The following NRTN variants were observed in gnomAD, a reference collection of about 807,000 sequenced individuals.
The protein encoded by NRTN is prepro-neurturin.
A neutral mutation model predicts 7.5 loss-of-function variants in NRTN; 3 were observed. The ratio of observed to expected loss-of-function variants is 0.40; its 90% CI spans 0.18 to 1.03. The LOEUF (loss-of-function observed/expected upper bound fraction) is 1.03. Among genes scored for constraint, NRTN ranks in the 50% least tolerant of loss-of-function variants. The pLI is 0.34. For synonymous variants in NRTN, 157 were observed against 146.6 expected (o/e 1.07, Z -0.51); for missense variants, 310 against 307.0 (o/e 1.01, Z -0.07).
chr19:5,828,260 G>C lies in NRTN; in HGVS notation c.*87G>C. ...CCCCGCGAAAGACTGCGCGTGCGTA[G>C]AGCACGCCGGCGCGGCCCCGGGACT... On this transcript the variant is annotated 3_prime_UTR_variant, in exon 3 of 3. Coordinates refer to ENST00000303212, the MANE Select transcript of NRTN (RefSeq NM_004558.5). 1 of 1,398,632 alleles carries C rather than the reference G, an allele frequency of 7.1e-7. No individual in the cohort carries two copies. 86.6% of individuals were successfully genotyped at this position (1,398,632 alleles called of 1,614,324 possible).
At chr19:5,812,272 C>G (rs1413912481) in intron 1 of NRTN, among the ~76,000 whole-genome samples, 1 of 152,142 alleles carries the variant, frequency 6.6e-6, no homozygotes, top group East Asian at 1.9e-4. Context: ...CATCCCTCAG[C>G]TTCACTTTGG....
chr19:5,808,371 C>T (rs949923909), intron 1 of NRTN, among the ~76,000 whole-genome samples: 30 of 152,188 alleles, frequency 2.0e-4, no homozygotes, highest in African/African-American at 6.8e-4. Flanking sequence ...CAGATGCCTC[C>T]GAGGCCAGCC....
At chr19:5,809,417 C>T (rs1396514898) in intron 1 of NRTN, among the ~76,000 whole-genome samples, 1 of 152,088 alleles carries the variant, frequency 6.6e-6, no homozygotes, top group Non-Finnish European at 1.5e-5. Flanking sequence ...ACTGATCCTC[C>T]CGCCTCAGCC....
In NRTN at chr19:5,827,948, G is replaced by T; in HGVS notation, c.369G>T (p.Glu123Asp). 1 of 1,488,412 alleles carries T rather than the reference G, an allele frequency of 6.7e-7. No homozygotes were observed. Among genetic ancestry groups the T allele is most frequent in the Non-Finnish European group, 8.9e-7 (1 of 1,125,100 alleles). 92.2% of individuals were successfully genotyped at this position (1,488,412 alleles called of 1,614,324 possible). A position where few individuals can be genotyped will look rare whatever the true frequency, so the allele number is the denominator to read the frequency against. The change falls in exon 3 of 3, where the codon GAG (glutamate) becomes GAT (aspartate). Residue 123 changes from glutamate (E) to aspartate (D), a missense_variant. Coordinates refer to ENST00000303212, the MANE Select transcript of NRTN (RefSeq NM_004558.5). ...TGGGCCTGGGCTACGCGTCCGACGA[G>T]ACGGTGCTGTTCCGCTACTGCGCAG... ...SELGLGYASD[E>D]TVLFRYCAGA...
chr19:5,814,012 AAT>A (rs142894530), intron 1 of NRTN, among the ~76,000 whole-genome samples: 5 of 151,408 alleles, frequency 3.3e-5, no homozygotes, highest in Admixed American at 1.3e-4. Context: ...CGTCTCAAAA[AAT>A]ATATATATAT....
chr19:5,808,021 C>T (rs1046815622), intron 1 of NRTN, among the ~76,000 whole-genome samples: 3 of 152,106 alleles, frequency 2.0e-5, no homozygotes, highest in East Asian at 1.9e-4. Flanking sequence ...AGGTCGAGGC[C>T]GCTGTGAGCT....
At chr19:5,809,016 A>G (rs571060330) in intron 1 of NRTN, among the ~76,000 whole-genome samples, 1 of 151,692 alleles carries the variant, frequency 6.6e-6, no homozygotes, top group East Asian at 1.9e-4. Flanking sequence ...CGGCCTCCCA[A>G]AGTGCTGGGA....
At chr19:5,823,078 AAGAAAGAG>A (rs1318131926) in intron 1 of NRTN, among the ~76,000 whole-genome samples, 3 of 119,314 alleles carry the variant, frequency 2.5e-5, no homozygotes, top group Non-Finnish European at 6.3e-5. Flanking sequence ...GGAAGAGAAA[AAGAAAGAG>A]AGAAGAAAGA....
At chr19:5,826,187 G>C (rs2057045683) in intron 2 of NRTN, among the ~76,000 whole-genome samples, 1 of 152,108 alleles carries the variant, frequency 6.6e-6, no homozygotes, top group Non-Finnish European at 1.5e-5. Flanking sequence ...ATTTAGCCGG[G>C]CACCTGTATT....
chr19:5,805,981 G>A (rs4265937), intron 1 of NRTN, among the ~76,000 whole-genome samples: 6 of 152,164 alleles, frequency 3.9e-5, no homozygotes, highest in African/African-American at 1.4e-4. Flanking sequence ...CTCCGGTGAG[G>A]GCCGGGCCCT....
At chr19:5,809,482 G>T (rs2056983597) in intron 1 of NRTN, among the ~76,000 whole-genome samples, 1 of 149,014 alleles carries the variant, frequency 6.7e-6, no homozygotes, top group Non-Finnish European at 1.5e-5. Flanking sequence ...CCCCATCCTG[G>T]TTTTTTTTTT....
intron 1 of NRTN, among the ~76,000 whole-genome samples, chr19:5,812,932 A>G (rs1243979105): frequency 1.3e-5 from 2 of 152,148 alleles, no homozygotes; most frequent in African/African-American, 4.8e-5. Flanking sequence ...GTTCACACAC[A>G]CAGGCACTTC....
In NRTN at chr19:5,828,293, T is replaced by G; in HGVS notation, c.*120T>G. ...CGGCGCGGCCCCGGGACTCTCGCGA[T>G]AACTGTACTGAGATAAAGTGTGGCA... is the stretch of plus-strand genomic sequence containing the variant. On this transcript the variant is annotated 3_prime_UTR_variant, in exon 3 of 3. Coordinates refer to ENST00000303212, the MANE Select transcript of NRTN (RefSeq NM_004558.5). 17 of 1,123,176 alleles carry G rather than the reference T, an allele frequency of 1.5e-5. No homozygotes were observed. Among genetic ancestry groups the G allele is most frequent in the Non-Finnish European group, 2.0e-5 (16 of 817,176 alleles). 69.6% of individuals were successfully genotyped at this position (1,123,176 alleles called of 1,614,324 possible). A position where few individuals can be genotyped will look rare whatever the true frequency, so the allele number is the denominator to read the frequency against.
intron 1 of NRTN, among the ~76,000 whole-genome samples, chr19:5,818,936 G>A (rs1038127223): frequency 6.6e-6 from 1 of 152,150 alleles, no homozygotes; most frequent in Non-Finnish European, 1.5e-5. Flanking sequence ...AGAGTCTGAA[G>A]CTCCAAGGCC....
chr19:5,824,444 C>A lies in NRTN; in HGVS notation c.169+110C>A. 2.2e-6 allele frequency: 3 copies of A among 1,346,446 alleles called. No individual in the cohort carries two copies. In the South Asian group the frequency reaches 3.7e-5, roughly 17 times the overall value. 83.4% of individuals were successfully genotyped at this position (1,346,446 alleles called of 1,614,324 possible). A position where few individuals can be genotyped will look rare whatever the true frequency, so the allele number is the denominator to read the frequency against. On this transcript the variant is annotated intron_variant, in intron 2 of 2. Transcript: ENST00000303212. ...TGTCATAGGTTTTTTAAAGATAGGGCCAGCCAGCCCCCTTGCAGGGAGGCA... is the reference window on the plus strand; with the variant it reads ...TGTCATAGGTTTTTTAAAGATAGGGACAGCCAGCCCCCTTGCAGGGAGGCA...
At chr19:5,827,122 C>G (rs1182894612) in intron 2 of NRTN, among the ~76,000 whole-genome samples, 3 of 152,132 alleles carry the variant, frequency 2.0e-5, no homozygotes, top group African/African-American at 7.2e-5. Flanking sequence ...GATAGGGAAA[C>G]TGAGGCTCCA....
intron 1 of NRTN, among the ~76,000 whole-genome samples, chr19:5,809,371 T>A (rs1413760510): frequency 6.6e-6 from 1 of 150,456 alleles, no homozygotes; most frequent in African/African-American, 2.4e-5. Context: ...GGGGTCTCGC[T>A]ATGTTGCCCA....
chr19:5,811,495 G>T (rs2056990371), intron 1 of NRTN, among the ~76,000 whole-genome samples: 1 of 152,162 alleles, frequency 6.6e-6, no homozygotes, highest in South Asian at 2.1e-4. Flanking sequence ...GCTTAGAATG[G>T]CACTAATAGT....
At chr19:5,819,093 G>A (rs538246620) in intron 1 of NRTN, among the ~76,000 whole-genome samples, 3 of 152,174 alleles carry the variant, frequency 2.0e-5, no homozygotes, top group Non-Finnish European at 4.4e-5. Flanking sequence ...GGTGGAGGGG[G>A]TCCAGAGAGG....
Sources: allele counts gnomAD v4.1 joint callset (sites outside exome capture counted in the v4.1 genomes callset), GRCh38; gene constraint gnomAD v4.1.1; transcripts MANE v1.5; gene names NCBI Gene and HGNC (gene_info 2026-07-23, HGNC 2026-07-21).